PDE1A: variants seen among roughly 807,000 people sequenced by gnomAD.
The protein encoded by PDE1A is dual specificity calcium/calmodulin-dependent 3',5'-cyclic nucleotide phosphodiesterase 1A.
PDE1A carries 35 observed loss-of-function variants against 61.7 expected under a neutral mutation model. That is an observed-to-expected ratio of 0.57 (90% confidence interval 0.43 to 0.75). PDE1A has a LOEUF of 0.75. PDE1A is among the 30% of genes least tolerant of loss of function. The pLI is 0.00. For synonymous variants in PDE1A, 232 were observed against 213.2 expected, an observed-to-expected ratio of 1.09 and a Z score of -0.77; for missense variants, 597 against 630.6, an observed-to-expected ratio of 0.95 and a Z score of 0.57.
chr2:182,252,353 C>T (rs923929855), intron 2 of PDE1A, among the ~76,000 whole-genome samples: 1 of 152,108 alleles, frequency 6.6e-6, no homozygotes, highest in Non-Finnish European at 1.5e-5. Flanking sequence ...TTCTGTGATC[C>T]TGTAACTCTT....
In PDE1A at chr2:182,522,583, C is replaced by G. The variant is rs192269545; in HGVS notation, c.-11+82G>C. On this transcript the variant is annotated intron_variant, in intron 1 of 14. Transcript: ENST00000410103. The stretch of plus-strand genomic sequence containing the variant: ...CCACTGCTCACCACCTCACCACCCC[C>G]CTAAGCAGACAGCAGTATAAACAGA... 329 of 1,372,260 alleles carry G rather than the reference C, an allele frequency of 2.4e-4. 1 individual carries two copies. Among genetic ancestry groups the G allele is most frequent in the African/African-American group, 1.1e-3 (77 of 68,794 alleles). 85.0% of individuals were successfully genotyped at this position (1,372,260 alleles called of 1,614,324 possible).
intron 2 of PDE1A, among the ~76,000 whole-genome samples, chr2:182,242,910 CT>C (rs1574125697): frequency 1.2e-4 from 10 of 82,004 alleles, no homozygotes; most frequent in Non-Finnish European, 1.9e-4. Context: ...CTCTCTCTCT[CT>C]CTCTCTCTCT....
intron 1 of PDE1A, among the ~76,000 whole-genome samples, chr2:182,288,266 A>G (rs1330325971): frequency 6.6e-6 from 1 of 152,110 alleles, no homozygotes; most frequent in Non-Finnish European, 1.5e-5. Flanking sequence ...GAACTTAGGC[A>G]AGTGAGGCCT....
rs115194500 is a variant in PDE1A, at chr2:182,355,600, T to G, written c.53+70978A>C. On this transcript the variant is annotated intron_variant, in intron 1 of 13. Transcript: ENST00000351439. ...AGCCAGAGTGTGCCATATCTCATCATACATCTGAATTTTACATGTATCCAT... is the reference window on the plus strand; with the variant it reads ...AGCCAGAGTGTGCCATATCTCATCAGACATCTGAATTTTACATGTATCCAT... Among the ~76,000 whole-genome samples, 14 of 152,174 alleles carry G rather than the reference T, an allele frequency of 9.2e-5. No individual in the cohort carries two copies. In the East Asian group the frequency reaches 2.7e-3, roughly 29 times the overall value.
the PDE1A span, among the ~76,000 whole-genome samples, chr2:182,532,945 CAAAAAA>C: frequency 4.1e-3 from 87 of 21,158 alleles, no homozygotes; most frequent in African/African-American, 0.014. Context: ...GACTCCGTCT[CAAAAAA>C]AAAAAAAAAA....
the PDE1A span, among the ~76,000 whole-genome samples, chr2:182,640,615 C>T: frequency 6.6e-6 from 1 of 151,902 alleles, no homozygotes; most frequent in South Asian, 2.1e-4. Flanking sequence ...AGATAAAATG[C>T]TAATTTTATC....
chr2:182,514,415 C>G (rs1406373717), intron 2 of PDE1A, among the ~76,000 whole-genome samples: 1 of 152,160 alleles, frequency 6.6e-6, no homozygotes, highest in Non-Finnish European at 1.5e-5. Context: ...CAGCACACTA[C>G]CCAGCTTCAA....
Position 182,218,592 on chromosome 2 carries a change from TTCTAC to T in PDE1A, c.776+5267_776+5271del, listed in dbSNP as rs1688444140. 2.6e-5 allele frequency among the ~76,000 whole-genome samples: 4 copies of T among 152,250 alleles called. No individual in the cohort carries two copies. The South Asian group carries it at 8.3e-4, about 32-fold the overall frequency. On this transcript the variant is annotated intron_variant, in intron 7 of 13. Transcript: ENST00000351439. The stretch of plus-strand genomic sequence containing the variant: ...CCACCCCAGTCCCTCATAACCACAA[TTCTAC>T]TCTAGTATAGATATTCTTTATCAAG...
rs1417904242 is a variant in PDE1A, at chr2:182,309,393, T to TA, written c.54-44980dup. Reference sequence around the variant, plus strand: ...ACACAAAAATATACTTTATTGCACTTACACCTAACCAAAACTTAAGGCATC... The same window carrying TA: ...ACACAAAAATATACTTTATTGCACTTAACACCTAACCAAAACTTAAGGCATC... On this transcript the variant is annotated intron_variant, in intron 1 of 13. Coordinates refer to ENST00000351439, the Ensembl canonical transcript of PDE1A. 2.0e-5 allele frequency among the ~76,000 whole-genome samples: 3 copies of TA among 152,162 alleles called. No homozygotes were observed. In the East Asian group the frequency reaches 5.8e-4, roughly 29 times the overall value.
chr2:182,292,663 GA>G (rs1694615316), intron 1 of PDE1A, among the ~76,000 whole-genome samples: 1 of 151,868 alleles, frequency 6.6e-6, no homozygotes, highest in Admixed American at 6.6e-5. Flanking sequence ...GCAGAAAACA[GA>G]AACAAGAAAG....
At chr2:182,422,828 T>G (rs1574621317) in intron 1 of PDE1A, among the ~76,000 whole-genome samples, 1 of 152,342 alleles carries the variant, frequency 6.6e-6, no homozygotes, top group East Asian at 1.9e-4. Context: ...GAAGTGTTGA[T>G]TCACATCTTG....
At chr2:182,710,272 CATGATTGGATAT>C in the PDE1A span, among the ~76,000 whole-genome samples, 2 of 152,238 alleles carry the variant, frequency 1.3e-5, no homozygotes, top group African/African-American at 4.8e-5. Context: ...ACATATACAA[CATGATTGGATAT>C]ATATTCTATA....
At chr2:182,230,880 C>A in intron 5 of PDE1A, 135 bp downstream of exon 5, 1 of 624,200 alleles carries the variant, frequency 1.6e-6, no homozygotes, top group Non-Finnish European at 2.9e-6. Context: ...ATAAAGACCT[C>A]ATCACCTTAA....
intron 4 of PDE1A, 51 bp downstream of exon 4, chr2:182,234,381 G>A: frequency 1.6e-6 from 2 of 1,263,948 alleles, no homozygotes; most frequent in Non-Finnish European, 2.3e-6. Flanking sequence ...CTTTTTAAGA[G>A]AATTTTTTAA....
intron 13 of PDE1A, among the ~76,000 whole-genome samples, chr2:182,150,203 A>C (rs2125270939): frequency 6.6e-6 from 1 of 152,316 alleles, no homozygotes; most frequent in East Asian, 1.9e-4. Context: ...GAGAATGATA[A>C]ATTTCAGTTA....
At chr2:182,179,386 G>T (rs1684551825) in intron 13 of PDE1A, among the ~76,000 whole-genome samples, 1 of 151,932 alleles carries the variant, frequency 6.6e-6, no homozygotes. Flanking sequence ...AATTCACAAA[G>T]GAATGTATAT....
chr2:182,419,544 C>A (rs1244799761), intron 1 of PDE1A, among the ~76,000 whole-genome samples: 1 of 152,044 alleles, frequency 6.6e-6, no homozygotes, highest in Non-Finnish European at 1.5e-5. Flanking sequence ...AAACAAGAAC[C>A]AAGTACTCAT....
chr2:182,406,026 C>CA (rs950453380), intron 1 of PDE1A, among the ~76,000 whole-genome samples: 47 of 149,032 alleles, frequency 3.2e-4, no homozygotes, highest in Middle Eastern at 3.5e-3. Context: ...GAAATTTTAC[C>CA]AAAAAAAAAT....
intron 1 of PDE1A, among the ~76,000 whole-genome samples, chr2:182,412,631 G>A (rs1437270488): frequency 6.6e-6 from 1 of 152,202 alleles, no homozygotes; most frequent in African/African-American, 2.4e-5. Context: ...GAGAGTTGAT[G>A]TGTGTTCTAG....
Sources: gnomAD v4.1 joint callset for allele counts (sites outside exome capture counted in the v4.1 genomes callset) on GRCh38, gnomAD v4.1.1 for gene constraint, MANE v1.5 for transcripts, NCBI Gene and HGNC (gene_info 2026-07-23, HGNC 2026-07-21) for gene names.